The following EXOC6 variants were observed in gnomAD, a reference collection of about 807,000 sequenced individuals.
EXOC6 encodes the protein SEC15-like 1.
In EXOC6, 60 loss-of-function variants were observed where a neutral mutation model predicts 112.5. That is an observed-to-expected ratio of 0.53 (90% confidence interval 0.43 to 0.66). The LOEUF (loss-of-function observed/expected upper bound fraction) is 0.66, where lower values mean the gene tolerates loss of function less well. Ranked by LOEUF, EXOC6 falls within the 30% of genes least tolerant of loss-of-function variation. The pLI, the probability that EXOC6 is intolerant of heterozygous loss-of-function variation, is 0.00. For synonymous variants in EXOC6, 295 were observed against 308.0 expected, an observed-to-expected ratio of 0.96 and a Z score of 0.44; for missense variants, 855 against 957.1, an observed-to-expected ratio of 0.89 and a Z score of 1.41.
At chr10:92,961,699 CTGTT>C (rs1456353627) in intron 17 of EXOC6, among the ~76,000 whole-genome samples, 1 of 75,400 alleles carries the variant, frequency 1.3e-5, no homozygotes, top group East Asian at 1.0e-3. Context: ...GCTCCGCTTT[CTGTT>C]TTTTTTTTTT....
At chr10:92,846,772 G>A (rs756123368), upstream of EXOC6, among the ~76,000 whole-genome samples, 17 of 152,194 alleles carry the variant, frequency 1.1e-4, no homozygotes, top group Admixed American at 2.0e-4. Flanking sequence ...CCTGGAACCT[G>A]TGCATATGTT....
intron 18 of EXOC6, among the ~76,000 whole-genome samples, chr10:92,975,916 G>T (rs1352039815): frequency 7.0e-6 from 1 of 142,736 alleles, no homozygotes; most frequent in African/African-American, 2.6e-5. Context: ...CCGGGAGGGA[G>T]GTGGGGGGGT....
chr10:92,943,920 C>T (rs927424211), intron 13 of EXOC6, among the ~76,000 whole-genome samples: 1 of 152,204 alleles, frequency 6.6e-6, no homozygotes, highest in African/African-American at 2.4e-5. Context: ...CCTCTGGTAA[C>T]CTATAAATCA....
chr10:92,983,710 T>C (rs1842906616), intron 18 of EXOC6, among the ~76,000 whole-genome samples: 1 of 152,136 alleles, frequency 6.6e-6, no homozygotes, highest in South Asian at 2.1e-4. Context: ...TTTCACTGTT[T>C]TGGCCAGGCT....
At chr10:92,907,554 GGTAATACTTTTCATTTATTCT>G (rs1850514358) in intron 5 of EXOC6, among the ~76,000 whole-genome samples, 1 of 152,084 alleles carries the variant, frequency 6.6e-6, no homozygotes, top group African/African-American at 2.4e-5. Flanking sequence ...AAAAGCTACT[GGTAATACTTTTCATTTATTCT>G]GCATCACTTA....
intron 5 of EXOC6, among the ~76,000 whole-genome samples, chr10:92,902,225 T>C (rs954096100): frequency 1.3e-5 from 2 of 152,188 alleles, no homozygotes; most frequent in African/African-American, 4.8e-5. Flanking sequence ...TGGTGGGTAC[T>C]TAGTGAGCCT....
At chr10:92,974,730 T>C (rs376191443) in intron 18 of EXOC6, among the ~76,000 whole-genome samples, 4,175 of 152,244 alleles carry the variant, frequency 0.027, 152 homozygotes, top group East Asian at 0.15. Context: ...CACGCCTGAC[T>C]GGTTTTCGTA....
chr10:92,834,855 C>T, intron 1 of EXOC6: 2 of 1,377,664 alleles, frequency 1.5e-6, no homozygotes, highest in Non-Finnish European at 2.1e-6. Context: ...ATTGTGTCTT[C>T]TTTAGCGGTG....
At chr10:92,890,896 G>C (rs984979398) in intron 1 of EXOC6, among the ~76,000 whole-genome samples, 1 of 152,154 alleles carries the variant, frequency 6.6e-6, no homozygotes, top group African/African-American at 2.4e-5. Context: ...AGAGACATGG[G>C]CTTTGCCTTA....
chr10:92,867,766 G>C (rs1477928864), intron 1 of EXOC6, among the ~76,000 whole-genome samples: 1 of 152,142 alleles, frequency 6.6e-6, no homozygotes, highest in South Asian at 2.1e-4. Context: ...TGCTGAGATG[G>C]ATATATAAAT....
At chr10:92,867,598 C>G (rs1288959814) in intron 1 of EXOC6, among the ~76,000 whole-genome samples, 1 of 152,076 alleles carries the variant, frequency 6.6e-6, no homozygotes, top group Non-Finnish European at 1.5e-5. Flanking sequence ...ACTTCCAAAA[C>G]TATTAAAAGA....
intron 4 of EXOC6, among the ~76,000 whole-genome samples, chr10:92,897,576 C>T (rs1849893564): frequency 6.6e-6 from 1 of 152,220 alleles, no homozygotes; most frequent in African/African-American, 2.4e-5. Flanking sequence ...AAGCTACATA[C>T]TCCCTCACAA....
At chr10:93,037,140 TCTA>T (rs1661483951) in intron 20 of EXOC6, among the ~76,000 whole-genome samples, 1 of 151,792 alleles carries the variant, frequency 6.6e-6, no homozygotes, top group African/African-American at 2.4e-5. Flanking sequence ...CCTTTCTTCT[TCTA>T]CTTTTTTTTT....
At position 92,955,593 on chromosome 10, in the gene EXOC6, T is replaced by C. The variant is rs1309191425; in HGVS notation, c.1652T>C (p.Ile551Thr). The change falls in exon 17 of 22, where the codon ATC (isoleucine) becomes ACC (threonine). Residue 551 changes from isoleucine to threonine, a missense_variant. Ile to Thr is a moderately conservative substitution (Grantham distance 89). Coordinates refer to ENST00000260762, the MANE Select transcript of EXOC6 (RefSeq NM_019053.6). ...HIGLTELVQI[I>T]INTTHLEQAC... Reference sequence around the variant, plus strand: ...TGTGTTTTCTAGCTGGTACAAATCATCATAAACACAACACACCTGGAGCAA... The same window carrying C: ...TGTGTTTTCTAGCTGGTACAAATCACCATAAACACAACACACCTGGAGCAA... 1 of 1,611,114 alleles carries C rather than the reference T, an allele frequency of 6.2e-7. No individual in the cohort carries two copies. Among genetic ancestry groups the C allele is most frequent in the Non-Finnish European group, 8.5e-7 (1 of 1,178,518 alleles).
intron 1 of EXOC6, among the ~76,000 whole-genome samples, chr10:92,871,164 TC>T (rs1332437681): frequency 1.3e-5 from 2 of 152,182 alleles, no homozygotes; most frequent in African/African-American, 4.8e-5. Flanking sequence ...TAAATTGTGT[TC>T]TTTTGAAAAA....
chr10:92,955,902 G>A (rs1257959153), intron 17 of EXOC6, among the ~76,000 whole-genome samples, 188 bp downstream of exon 17: 1 of 152,062 alleles, frequency 6.6e-6, no homozygotes, highest in Non-Finnish European at 1.5e-5. Flanking sequence ...TATTAACATG[G>A]AGAAAAGTAT....
chr10:92,836,988 C>T (rs1846678473), intron 1 of EXOC6, among the ~76,000 whole-genome samples: 1 of 152,030 alleles, frequency 6.6e-6, no homozygotes, highest in African/African-American at 2.4e-5. Flanking sequence ...GTGCTACTTA[C>T]CTAGCTGCTA....
chr10:92,919,949 C>A, intron 7 of EXOC6, 33 bp from the exon 8 acceptor site: 1 of 1,393,388 alleles, frequency 7.2e-7, no homozygotes, highest in Non-Finnish European at 1.0e-6. Flanking sequence ...ATAGTTTGAC[C>A]TATAATTTTT....
At chr10:92,850,298 T>C (rs1847260898) in intron 1 of EXOC6, among the ~76,000 whole-genome samples, 1 of 152,228 alleles carries the variant, frequency 6.6e-6, no homozygotes, top group Non-Finnish European at 1.5e-5. Context: ...GTATTCATAG[T>C]GTTATTCTGT....
Sources: allele counts gnomAD v4.1 joint callset (sites outside exome capture counted in the v4.1 genomes callset), GRCh38; gene constraint gnomAD v4.1.1; transcripts MANE v1.5; gene names NCBI Gene and HGNC (gene_info 2026-07-23, HGNC 2026-07-21).